The following DACH1 variants were observed in gnomAD, a reference collection of about 807,000 sequenced individuals.
The protein encoded by DACH1 is dachshund homolog 1.
DACH1 carries 12 observed loss-of-function variants against 54.2 expected under a neutral mutation model. That is an observed-to-expected ratio of 0.22 (90% CI 0.14 to 0.36). The LOEUF (loss-of-function observed/expected upper bound fraction) is 0.36, where lower values mean the gene tolerates loss of function less well. Among genes scored for constraint, DACH1 ranks in the 10% least tolerant of loss-of-function variants. The pLI is 1.00. For missense variants in DACH1, 805 were observed against 929.8 expected (o/e 0.87, Z 1.75); for synonymous variants, 386 against 366.2 (o/e 1.05, Z -0.62).
intron 1 of DACH1, among the ~76,000 whole-genome samples, chr13:71,861,707 A>G (rs1874366129): frequency 6.6e-6 from 1 of 151,936 alleles, no homozygotes; most frequent in African/African-American, 2.4e-5. Flanking sequence ...AAACTTCAAA[A>G]GCAGAGTCTC....
At chr13:71,594,017 A>G (rs899144975) in intron 3 of DACH1, among the ~76,000 whole-genome samples, 4 of 151,448 alleles carry the variant, frequency 2.6e-5, no homozygotes, top group Non-Finnish European at 4.4e-5. Flanking sequence ...AAAACTAGTT[A>G]AAAGATATTA....
rs71123234 is a variant in DACH1 at position 71,590,875 on chromosome 13, C to CTTTTTTTTTTTTTTT, written c.1127-17878_1127-17864dup. ...TCTCTCTGTCTCTGTCTCTCTCTTT[C>CTTTTTTTTTTTTTTT]TTTTTTTTTTTTTTTTTTTTTTTGA... On this transcript the variant is annotated intron_variant, in intron 3 of 10. Transcript: ENST00000613252. Among the ~76,000 whole-genome samples, 8 of 85,128 alleles carry CTTTTTTTTTTTTTTT rather than the reference C, an allele frequency of 9.4e-5. 1 individual carries two copies. The highest frequency in any genetic ancestry group is 8.6e-5 in the Non-Finnish European group (4 of 46,368). The allele number at this position is 85,128 out of a possible 152,430, so 55.8% of individuals were successfully genotyped here. A position where few individuals can be genotyped will look rare whatever the true frequency, so the allele number is the denominator to read the frequency against.
At chr13:71,802,848 T>A (rs1887343556) in intron 1 of DACH1, among the ~76,000 whole-genome samples, 1 of 152,104 alleles carries the variant, frequency 6.6e-6, no homozygotes, top group African/African-American at 2.4e-5. Flanking sequence ...CACATACACA[T>A]CTACAAACCA....
At chr13:71,459,109 G>T (rs145146860) in intron 10 of DACH1, among the ~76,000 whole-genome samples, 112 of 151,928 alleles carry the variant, frequency 7.4e-4, no homozygotes, top group African/African-American at 2.6e-3. Context: ...TTTTATGTCA[G>T]ATACTTTTAG....
chr13:71,628,119 A>T (rs1876801288), intron 3 of DACH1, among the ~76,000 whole-genome samples: 1 of 152,050 alleles, frequency 6.6e-6, no homozygotes, highest in African/African-American at 2.4e-5. Context: ...TTACAAAGTC[A>T]CAGAGCAAGT....
intron 3 of DACH1, among the ~76,000 whole-genome samples, chr13:71,590,790 T>C (rs947346153): frequency 1.3e-5 from 2 of 151,996 alleles, no homozygotes; most frequent in Non-Finnish European, 2.9e-5. Context: ...TCCGCCTTCC[T>C]GAGAGCATCA....
At chr13:71,834,258 CA>C (rs1888696795) in intron 1 of DACH1, among the ~76,000 whole-genome samples, 1 of 151,904 alleles carries the variant, frequency 6.6e-6, no homozygotes, top group African/African-American at 2.4e-5. Context: ...CTATATTTTT[CA>C]TAATGAAGCT....
At chr13:71,741,888 G>A (rs891056412) in intron 1 of DACH1, among the ~76,000 whole-genome samples, 1 of 151,944 alleles carries the variant, frequency 6.6e-6, no homozygotes, top group South Asian at 2.1e-4. Context: ...CAACACCTAC[G>A]TATAGTCACT....
intron 1 of DACH1, among the ~76,000 whole-genome samples, chr13:71,690,786 G>T (rs141808671): frequency 0.019 from 2,923 of 152,154 alleles, 87 homozygotes; most frequent in African/African-American, 0.061. Flanking sequence ...TTAAAAATTA[G>T]CTGGGCATGG....
intron 2 of DACH1, among the ~76,000 whole-genome samples, chr13:71,649,397 G>T (rs778512562): frequency 6.6e-6 from 1 of 152,102 alleles, no homozygotes; most frequent in Non-Finnish European, 1.5e-5. Context: ...GTAAAATTTG[G>T]ATCTACAGCT....
At chr13:71,466,522 C>T (rs1876581482) in intron 10 of DACH1, among the ~76,000 whole-genome samples, 1 of 152,030 alleles carries the variant, frequency 6.6e-6, no homozygotes, top group Admixed American at 6.6e-5. Flanking sequence ...TAGTGCCAAC[C>T]CCCTATTACA....
intron 1 of DACH1, among the ~76,000 whole-genome samples, chr13:71,807,242 A>G (rs1330366057): frequency 6.6e-6 from 1 of 152,156 alleles, no homozygotes; most frequent in Non-Finnish European, 1.5e-5. Flanking sequence ...CCAACATGGC[A>G]TGTTTATATC....
At chr13:71,462,840 C>A (rs574223707) in intron 10 of DACH1, among the ~76,000 whole-genome samples, 47 of 150,286 alleles carry the variant, frequency 3.1e-4, no homozygotes, top group Non-Finnish European at 5.2e-4. Context: ...GAATTTGAAC[C>A]CAGGAATTCC....
intron 1 of DACH1, among the ~76,000 whole-genome samples, chr13:71,709,165 T>C (rs1882594994): frequency 6.6e-6 from 1 of 152,122 alleles, no homozygotes; most frequent in African/African-American, 2.4e-5. Flanking sequence ...ATTTTTTAAA[T>C]GATTTAACTT....
intron 10 of DACH1, among the ~76,000 whole-genome samples, chr13:71,457,599 G>T (rs1192797759): frequency 6.6e-6 from 1 of 151,872 alleles, no homozygotes. Context: ...CAAGGATAAT[G>T]TAACATGTTA....
chr13:71,495,801 C>T (rs2138218670), intron 6 of DACH1, among the ~76,000 whole-genome samples: 1 of 152,218 alleles, frequency 6.6e-6, no homozygotes, highest in African/African-American at 2.4e-5. Flanking sequence ...AGCAATACCA[C>T]TACTGGATAC....
At chr13:71,521,163 A>C (rs1269737827) in intron 6 of DACH1, among the ~76,000 whole-genome samples, 1 of 152,014 alleles carries the variant, frequency 6.6e-6, no homozygotes, top group Non-Finnish European at 1.5e-5. Flanking sequence ...TGGAGATAAC[A>C]GTAATGCAGC....
intron 6 of DACH1, among the ~76,000 whole-genome samples, chr13:71,494,514 AT>A: frequency 6.6e-6 from 1 of 152,244 alleles, no homozygotes; most frequent in Non-Finnish European, 1.5e-5. Context: ...AGGCTAAGCA[AT>A]GACGTTTGGT....
chr13:71,511,758 T>C (rs992690553), intron 6 of DACH1, among the ~76,000 whole-genome samples: 3 of 152,028 alleles, frequency 2.0e-5, no homozygotes, highest in African/African-American at 7.2e-5. Context: ...TTTCTTTTCC[T>C]TGCCTTTATA....
Sources: allele counts gnomAD v4.1 joint callset (sites outside exome capture counted in the v4.1 genomes callset), GRCh38; gene constraint gnomAD v4.1.1; transcripts MANE v1.5; gene names NCBI Gene and HGNC (gene_info 2026-07-23, HGNC 2026-07-21).